RNF111: variants seen among roughly 807,000 people sequenced by gnomAD.
RNF111 encodes ring finger protein 111.
A neutral mutation model predicts 95.1 loss-of-function variants in RNF111; 17 were observed. The observed-to-expected ratio is 0.18, with a 90% confidence interval of 0.12 to 0.27. The LOEUF is 0.27. Among genes scored for constraint, RNF111 ranks in the 10% least tolerant of loss-of-function variants. RNF111 has a pLI of 1.00. For missense variants in RNF111, 1,189 were observed against 1,210.4 expected, an observed-to-expected ratio of 0.98 and a Z score of 0.26; for synonymous variants, 440 against 414.8, an observed-to-expected ratio of 1.06 and a Z score of -0.74.
intron 1 of RNF111, among the ~76,000 whole-genome samples, chr15:59,002,317 C>G (rs1205831879): frequency 6.6e-6 from 1 of 152,160 alleles, no homozygotes; most frequent in African/African-American, 2.4e-5. Flanking sequence ...AAACTTCTTT[C>G]AGGTTTTTCC....
chr15:59,076,905 T>A (rs2078580698), intron 7 of RNF111, among the ~76,000 whole-genome samples: 2 of 152,112 alleles, frequency 1.3e-5, no homozygotes, highest in Non-Finnish European at 2.9e-5. Context: ...GCAAGGAAAT[T>A]TGTGTTTTGT....
chr15:59,030,595 C>G (rs2040855659), intron 1 of RNF111, among the ~76,000 whole-genome samples: 1 of 151,990 alleles, frequency 6.6e-6, no homozygotes, highest in Non-Finnish European at 1.5e-5. Flanking sequence ...TACTGTATTT[C>G]TAAAAATTGG....
chr15:59,037,875 G>A (rs754982869), intron 2 of RNF111, among the ~76,000 whole-genome samples: 48 of 152,022 alleles, frequency 3.2e-4, no homozygotes, highest in Non-Finnish European at 6.2e-4. Flanking sequence ...ATCTCCTTCA[G>A]TCTTCAAGGA....
chr15:59,017,753 CTTTTTT>C (rs200975904), intron 1 of RNF111, among the ~76,000 whole-genome samples: 1 of 120,962 alleles, frequency 8.3e-6, no homozygotes, highest in African/African-American at 3.4e-5. Flanking sequence ...TTGTTGAACT[CTTTTTT>C]TTTTTTTTTT....
intron 1 of RNF111, among the ~76,000 whole-genome samples, chr15:59,002,344 G>T (rs1388290130): frequency 6.6e-6 from 1 of 152,074 alleles, no homozygotes; most frequent in Non-Finnish European, 1.5e-5. Context: ...ATTAATAGCT[G>T]TCCCTTCCGT....
intron 10 of RNF111, among the ~76,000 whole-genome samples, chr15:59,088,320 G>T (rs1237552692): frequency 6.6e-6 from 1 of 152,160 alleles, no homozygotes; most frequent in Non-Finnish European, 1.5e-5. Context: ...TTCAGGGTAA[G>T]TGAAGATTTA....
intron 8 of RNF111, among the ~76,000 whole-genome samples, chr15:59,083,502 C>T (rs1289528447): frequency 2.0e-5 from 3 of 151,162 alleles, no homozygotes; most frequent in African/African-American, 7.3e-5. Flanking sequence ...TGCCACTGTA[C>T]TCCAGCCTGG....
intron 5 of RNF111, among the ~76,000 whole-genome samples, chr15:59,060,817 T>G (rs550083743): frequency 9.8e-4 from 149 of 151,880 alleles, no homozygotes; most frequent in Middle Eastern, 3.4e-3. Flanking sequence ...ATTTTTTTTT[T>G]TGTGAGACAG....
intron 4 of RNF111, 97 bp from the exon 5 acceptor site, chr15:59,058,255 GTTTT>G: frequency 2.1e-6 from 2 of 968,034 alleles, no homozygotes; most frequent in East Asian, 2.7e-5. Flanking sequence ...TATTTTTAAA[GTTTT>G]TTTATTTATT....
chr15:59,055,793 G>C lies in RNF111; in HGVS notation c.1119G>C (p.Gln373His). The change falls in exon 4 of 14, where the codon CAG becomes CAC. Residue 373 changes from glutamine to histidine, a missense_variant. This residue lies in a region of RNF111 where 1,024 missense variants were observed against 925.9 expected (regional missense o/e 1.11). Coordinates refer to ENST00000348370, the MANE Select transcript of RNF111 (RefSeq NM_017610.8). The stretch of plus-strand genomic sequence containing the variant: ...GCAGTAGGATTTCTACTGTTATACA[G>C]CCCTTGAGGCAGAATGCAGCAGAAG... The part of the protein sequence containing the change: ...RNRSRISTVI[Q>H]PLRQNAAEVV... 1 of 1,613,940 alleles carries C rather than the reference G, an allele frequency of 6.2e-7. No homozygotes were observed. The highest frequency in any genetic ancestry group is 1.1e-5 in the South Asian group (1 of 91,068).
chr15:59,059,883 T>C (rs576639061), intron 5 of RNF111, among the ~76,000 whole-genome samples: 10 of 152,336 alleles, frequency 6.6e-5, no homozygotes, highest in African/African-American at 2.4e-4. Flanking sequence ...AATGAAACCA[T>C]CTTATATTTT....
At position 59,084,061 on chromosome 15, in the gene RNF111, A is replaced by G. The variant is rs747182708; in HGVS notation, c.2298-68A>G. The G allele has an allele frequency of 4.9e-6, 7 of 1,428,042 alleles. No homozygotes were observed. In the East Asian group the frequency reaches 1.3e-4, roughly 27 times the overall value. 88.5% of individuals were successfully genotyped at this position (1,428,042 alleles called of 1,614,324 possible). A position where few individuals can be genotyped will look rare whatever the true frequency, so the allele number is the denominator to read the frequency against. On this transcript the variant is annotated intron_variant, in intron 8 of 13. Coordinates refer to ENST00000348370, the MANE Select transcript of RNF111 (RefSeq NM_017610.8). ...GTATTAATACTAGGGATTTTTTTCT[A>G]CATTAAGAAAAGAAATAACCAATTA...
At chr15:59,029,894 AAT>A (rs1197375311) in intron 1 of RNF111, among the ~76,000 whole-genome samples, 1 of 152,216 alleles carries the variant, frequency 6.6e-6, no homozygotes, top group East Asian at 1.9e-4. Context: ...ACTTGTTAAA[AAT>A]ATGTTAACAT....
intron 3 of RNF111, among the ~76,000 whole-genome samples, chr15:59,053,471 T>C (rs1291378106): frequency 6.6e-6 from 1 of 152,228 alleles, no homozygotes; most frequent in Non-Finnish European, 1.5e-5. Context: ...ATTTTAAAAG[T>C]ATATATTCAT....
chr15:59,017,753 C>CTTTTTTTTTTTTTTT (rs200975904), intron 1 of RNF111, among the ~76,000 whole-genome samples: 8 of 120,962 alleles, frequency 6.6e-5, no homozygotes, highest in South Asian at 2.7e-4. Context: ...TTGTTGAACT[C>CTTTTTTTTTTTTTTT]TTTTTTTTTT....
At chr15:59,073,592 C>T (rs1244246403) in intron 6 of RNF111, among the ~76,000 whole-genome samples, 2 of 152,224 alleles carry the variant, frequency 1.3e-5, no homozygotes, top group Admixed American at 6.5e-5. Flanking sequence ...GTTCCAACTT[C>T]TTATTCTAGT....
At chr15:59,091,202 A>C (rs760960463) in intron 12 of RNF111, 48 bp downstream of exon 12, 11 of 1,033,916 alleles carry the variant, frequency 1.1e-5, no homozygotes, top group Non-Finnish European at 1.6e-5. Context: ...GAAAGGCATA[A>C]ATGTAATATA....
At chr15:59,038,696 T>C (rs2041300954) in intron 2 of RNF111, among the ~76,000 whole-genome samples, 1 of 152,170 alleles carries the variant, frequency 6.6e-6, no homozygotes, top group African/African-American at 2.4e-5. Context: ...TCAACACACA[T>C]GGTTTAATTC....
intron 8 of RNF111, 70 bp from the exon 9 acceptor site, chr15:59,084,059 C>T (rs1312124893): frequency 7.1e-7 from 1 of 1,414,042 alleles, no homozygotes; most frequent in Admixed American, 2.6e-5. Flanking sequence ...GGATTTTTTT[C>T]TACATTAAGA....
Sources: allele counts gnomAD v4.1 joint callset (sites outside exome capture counted in the v4.1 genomes callset), GRCh38; gene constraint gnomAD v4.1.1; regional missense constraint gnomAD v4.1.1; transcripts MANE v1.5; gene names NCBI Gene and HGNC (gene_info 2026-07-23, HGNC 2026-07-21).